PLXND1: variants seen among roughly 807,000 people sequenced by gnomAD.
PLXND1 encodes the protein plexin-D1.
PLXND1 carries 54 observed loss-of-function variants against 197.7 expected under a neutral mutation model. The observed-to-expected ratio is 0.27, with a 90% CI of 0.22 to 0.34. The LOEUF (loss-of-function observed/expected upper bound fraction) is 0.34, where lower values mean the gene tolerates loss of function less well. PLXND1 is among the 10% of genes least tolerant of loss of function. The pLI is 1.00. For synonymous variants in PLXND1, 1,180 were observed against 1,161.2 expected (o/e 1.02, Z -0.33); for missense variants, 2,127 against 2,699.2 (o/e 0.79, Z 4.70).
Position 129,557,172 on chromosome 3 carries a change from T to C in PLXND1, c.5497A>G (p.Lys1833Glu), listed in dbSNP as rs763362928. The change falls in exon 34 of 36, where the codon AAG becomes GAG. Residue 1833 changes from lysine to glutamate, a missense_variant. By Grantham distance (56) the Lys-to-Glu change is moderately conservative. Coordinates refer to ENST00000324093, the MANE Select transcript of PLXND1 (RefSeq NM_015103.3). The surrounding 1 kb of genome is among the most constrained non-coding windows in gnomAD (Gnocchi z 4.8). ...TGCTTGTAGTAGCGCTGCACGATCTTCCGGTACTCAGGAATCTCCTTGGCG... is the reference window on the plus strand; with the variant it reads ...TGCTTGTAGTAGCGCTGCACGATCTCCCGGTACTCAGGAATCTCCTTGGCG... ...LYAKEIPEYR[K>E]IVQRYYKQIQ... 1.9e-6 allele frequency: 3 copies of C among 1,614,102 alleles called. No individual in the cohort carries two copies. Among genetic ancestry groups the C allele is most frequent in the Middle Eastern group, 1.6e-4 (1 of 6,062 alleles).
chr3:129,597,223 G>C (rs570916593), intron 1 of PLXND1, among the ~76,000 whole-genome samples: 3 of 151,898 alleles, frequency 2.0e-5, no homozygotes, highest in Admixed American at 2.0e-4. Context: ...GCGGGCTCCA[G>C]ATCCCCGCCC....
At chr3:129,585,396 C>T (rs1485443005) in intron 5 of PLXND1, among the ~76,000 whole-genome samples, 1 of 152,232 alleles carries the variant, frequency 6.6e-6, no homozygotes, top group Non-Finnish European at 1.5e-5. Context: ...GAATCCCCCA[C>T]CGCCAAGGCT....
rs1276611971 is a variant in PLXND1, at chr3:129,565,326, C to T, written c.4521+14G>A. ...TCCCCCGCCTGGGCTCTGTCTGTCC[C>T]CAGGCAGCCTCACCCGCAGACAGCT... is the stretch of plus-strand genomic sequence containing the variant. On this transcript the variant is annotated intron_variant, in intron 25 of 35. Transcript: ENST00000324093. 1.2e-6 allele frequency: 2 copies of T among 1,610,958 alleles called. No individual in the cohort carries two copies. The highest frequency in any genetic ancestry group is 1.7e-6 in the Non-Finnish European group (2 of 1,177,682).
chr3:129,582,452 G>A (rs1020322577), intron 8 of PLXND1, among the ~76,000 whole-genome samples: 3 of 152,244 alleles, frequency 2.0e-5, no homozygotes, highest in Non-Finnish European at 4.4e-5. Context: ...GTGCCATCTG[G>A]AATATGGGCA....
chr3:129,580,398 C>CG (rs905164445), intron 8 of PLXND1, among the ~76,000 whole-genome samples: 1 of 152,202 alleles, frequency 6.6e-6, no homozygotes, highest in African/African-American at 2.4e-5. Context: ...CCATCCTGTG[C>CG]TGTGTGTAAA....
At chr3:129,571,898 G>T in intron 15 of PLXND1, 54 bp from the exon 16 acceptor site, 1 of 1,518,454 alleles carries the variant, frequency 6.6e-7, no homozygotes, top group Non-Finnish European at 8.9e-7. Flanking sequence ...CTCACCCACC[G>T]CCAATGCCCC....
In PLXND1 at chr3:129,572,953, T is replaced by TCAGCCA. The variant is rs754756814; in HGVS notation, c.2838-13_2838-12insTGGCTG. The TCAGCCA allele has an allele frequency of 6.2e-7, 1 of 1,603,436 alleles. No homozygotes were observed. Among genetic ancestry groups the TCAGCCA allele is most frequent in the Non-Finnish European group, 8.5e-7 (1 of 1,171,428 alleles). On this transcript the variant is annotated splice_polypyrimidine_tract_variant and intron_variant, in intron 13 of 35. Transcript: ENST00000324093. The stretch of plus-strand genomic sequence containing the variant: ...TGACACACACGATCCTGAGGGGAGG[T>TCAGCCA]GCTGTGGTCAGCCAGCGGTCCTTGG...
In PLXND1 at chr3:129,605,509, C is replaced by G; in HGVS notation, c.1131G>C (p.Gly377=). The G allele has an allele frequency of 3.3e-6, 5 of 1,508,538 alleles. No individual in the cohort carries two copies. 93.4% of individuals were successfully genotyped at this position (1,508,538 alleles called of 1,614,324 possible). ...CCGGAGCAGCGCGGGCCGCGGGGGACCCCTGGGGCCGCTCGAAGACAGCAA... is the reference window on the plus strand; with the variant it reads ...CCGGAGCAGCGCGGGCCGCGGGGGAGCCCTGGGGCCGCTCGAAGACAGCAA... The part of the protein sequence containing the change: ...RLFAVFERPQ[G]SPAARAAPAA... Residue 377 remains glycine, a synonymous_variant, in exon 1 of 36, where the codon GGG becomes GGC. Coordinates refer to ENST00000324093, the MANE Select transcript of PLXND1 (RefSeq NM_015103.3).
chr3:129,565,631 A>C, intron 24 of PLXND1, 93 bp from the exon 25 acceptor site: 1 of 1,162,246 alleles, frequency 8.6e-7, no homozygotes, highest in Non-Finnish European at 1.2e-6. Flanking sequence ...GGGCCCATCG[A>C]TCCCAGGAGT....
Position 129,588,541 on chromosome 3 carries a change from G to A in PLXND1, c.1488+810C>T, listed in dbSNP as rs938751228. ...CATTTTTCCTCTCCCCAGCCACAGC[G>A]GTGGGGTCCTGGGACTCCACTCCCC... On this transcript the variant is annotated intron_variant, in intron 2 of 35. Coordinates refer to ENST00000324093, the MANE Select transcript of PLXND1 (RefSeq NM_015103.3). 3.9e-5 allele frequency among the ~76,000 whole-genome samples: 6 copies of A among 152,242 alleles called. No homozygotes were observed. In the East Asian group the frequency reaches 5.8e-4, roughly 15 times the overall value.
intron 1 of PLXND1, among the ~76,000 whole-genome samples, chr3:129,593,051 C>T (rs958490589): frequency 6.6e-6 from 1 of 152,210 alleles, no homozygotes; most frequent in African/African-American, 2.4e-5. Flanking sequence ...TCTTTCAAAA[C>T]TCAAGTTCTC....
chr3:129,597,911 T>C (rs1449990363), intron 1 of PLXND1, among the ~76,000 whole-genome samples: 2 of 152,190 alleles, frequency 1.3e-5, no homozygotes, highest in African/African-American at 4.8e-5. Flanking sequence ...CTGTCAGAGC[T>C]GGAGAGGCCC....
At chr3:129,589,309 C>CGGGCCCCCCCCCCCCCCCCCCCCCCCCCA in intron 2 of PLXND1, 42 bp downstream of exon 2, 1 of 643,998 alleles carries the variant, frequency 1.6e-6, no homozygotes, top group Non-Finnish European at 2.8e-6. Flanking sequence ...CCAGGGGAGC[C>CGGGCCCCCCCCCCCCCCCCCCCCCCCCCA]TCCCACCCCC....
chr3:129,576,021 C>T (rs573417562), intron 9 of PLXND1, among the ~76,000 whole-genome samples, 166 bp from the exon 10 acceptor site: 1 of 152,348 alleles, frequency 6.6e-6, no homozygotes, highest in East Asian at 1.9e-4. Flanking sequence ...CCCTTCCTGG[C>T]CATCACGTCC....
chr3:129,595,987 G>C (rs898666349), intron 1 of PLXND1, among the ~76,000 whole-genome samples: 2 of 151,176 alleles, frequency 1.3e-5, no homozygotes, highest in Non-Finnish European at 2.9e-5. Context: ...GAAAGCTGAG[G>C]CTCCTGACTC....
chr3:129,589,307 G>GCCGGCCCCCCCCCCCCCCCCCCCCC, intron 2 of PLXND1, 44 bp downstream of exon 2: 9 of 684,690 alleles, frequency 1.3e-5, no homozygotes, highest in East Asian at 1.1e-4. Flanking sequence ...TCCCAGGGGA[G>GCCGGCCCCCCCCCCCCCCCCCCCCC]CCTCCCACCC....
chr3:129,571,236 G>A lies in PLXND1; in HGVS notation c.3404C>T (p.Ala1135Val), dbSNP rs368894810. ...PSPGALSNAS[A>V]PVDFFINGRA... ...CCCATTGATGAAGAAGTCCACTGGC[G>A]CTGATGCGTTGCTCAGGGCCCCGGG... The change falls in exon 18 of 36, where the codon GCG (alanine) becomes GTG (valine). Residue 1135 changes from alanine (A) to valine (V), a missense_variant. Physicochemically the swap from Ala to Val is moderately conservative, Grantham distance 64. This residue lies in a region of PLXND1 where 532 missense variants were observed against 811.0 expected (regional missense o/e 0.66). Coordinates refer to ENST00000324093, the MANE Select transcript of PLXND1 (RefSeq NM_015103.3). 6.6e-5 allele frequency: 106 copies of A among 1,613,888 alleles called. No individual in the cohort carries two copies. Among genetic ancestry groups the A allele is most frequent in the Middle Eastern group, 1.6e-4 (1 of 6,082 alleles).
intron 13 of PLXND1, among the ~76,000 whole-genome samples, 173 bp downstream of exon 13, chr3:129,573,420 GA>G (rs1021014764): frequency 1.3e-5 from 2 of 151,690 alleles, no homozygotes; most frequent in African/African-American, 4.8e-5. Flanking sequence ...GCCCCAAGCA[GA>G]AACGGCAGGA....
In PLXND1 at chr3:129,555,315, T is replaced by C. The variant is rs766948849; in HGVS notation, c.*997A>G. 1.3e-5 allele frequency: 7 copies of C among 551,842 alleles called. No individual in the cohort carries two copies. Among genetic ancestry groups the C allele is most frequent in the Non-Finnish European group, 2.2e-5 (7 of 317,488 alleles). The allele number at this position is 551,842 out of a possible 1,614,324, so 34.2% of individuals were successfully genotyped here. Reference sequence around the variant, plus strand: ...TGAGCCAGTCCCAACACTGGCTGAGTTGGCTGCGAGGGGCCCGCATGGCCC... The same window carrying C: ...TGAGCCAGTCCCAACACTGGCTGAGCTGGCTGCGAGGGGCCCGCATGGCCC... On this transcript the variant is annotated 3_prime_UTR_variant, in exon 36 of 36. Transcript: ENST00000324093.
Sources: gnomAD v4.1 joint callset for allele counts (sites outside exome capture counted in the v4.1 genomes callset) on GRCh38, gnomAD v4.1.1 for gene constraint, gnomAD v4.1.1 regional missense constraint, Gnocchi (gnomAD v3.1) non-coding constraint, MANE v1.5 for transcripts, NCBI Gene and HGNC (gene_info 2026-07-23, HGNC 2026-07-21) for gene names.